UBE2D3: variants seen among roughly 807,000 people sequenced by gnomAD.
UBE2D3 encodes ubiquitin-conjugating enzyme E2 D3.
A neutral mutation model predicts 22.8 loss-of-function variants in UBE2D3; 2 were observed. The ratio of observed to expected loss-of-function variants is 0.09; its 90% CI spans 0.04 to 0.28. UBE2D3 has a LOEUF of 0.28. UBE2D3 is among the 10% of genes least tolerant of loss of function. The probability of loss-of-function intolerance (pLI) is 1.00; values close to 1 mark genes in which losing one functional copy is unlikely to be tolerated. For synonymous variants in UBE2D3, 56 were observed against 60.4 expected (o/e 0.93, Z 0.34); for missense variants, 27 against 182.5 (o/e 0.15, Z 4.91).
intron 1 of UBE2D3, chr4:102,837,207 C>G (rs1226358007): frequency 6.6e-6 from 1 of 152,178 alleles, no homozygotes; most frequent in Non-Finnish European, 1.5e-5. Flanking sequence ...ATAGAACTGG[C>G]TTGTAACAGC....
chr4:102,828,430 C>G (rs1578275106), upstream of UBE2D3, among the ~76,000 whole-genome samples: 1 of 152,154 alleles, frequency 6.6e-6, no homozygotes, highest in East Asian at 1.9e-4. Flanking sequence ...CTCATCAGCG[C>G]TCCCACGTGC....
chr4:102,837,723 G>A lies in UBE2D3; in HGVS notation c.-128-11087C>T, dbSNP rs1228182917. The stretch of plus-strand genomic sequence containing the variant: ...TCCCAGCACTTTGGGAGGCCAAGGC[G>A]GGCGGATCACGAGGTCAGGAGATCG... On this transcript the variant is annotated intron_variant, in intron 1 of 7. Coordinates refer to the UBE2D3 transcript ENST00000338145. Among the ~76,000 whole-genome samples, 6 of 152,246 alleles carry A rather than the reference G, an allele frequency of 3.9e-5. No individual in the cohort carries two copies. The East Asian group carries it at 9.7e-4, about 25-fold the overall frequency.
At chr4:102,854,218 GT>G (rs1430550281) in intron 1 of UBE2D3, among the ~76,000 whole-genome samples, 1 of 151,758 alleles carries the variant, frequency 6.6e-6, no homozygotes, top group Non-Finnish European at 1.5e-5. Flanking sequence ...TATTAATTTC[GT>G]TTAGATTTTT....
At chr4:102,825,323 ATTG>A (rs1221062246) in intron 2 of UBE2D3, 40 of 991,138 alleles carry the variant, frequency 4.0e-5, no homozygotes, top group Non-Finnish European at 4.3e-5. Flanking sequence ...ACCCTCTTCG[ATTG>A]TGCAACAACC....
chr4:102,842,955 C>G (rs938907818), intron 1 of UBE2D3, among the ~76,000 whole-genome samples: 2 of 151,898 alleles, frequency 1.3e-5, no homozygotes, highest in African/African-American at 4.8e-5. Context: ...ACTAAAAATA[C>G]AAAAATTAGC....
intron 1 of UBE2D3, among the ~76,000 whole-genome samples, chr4:102,864,837 A>C (rs1307577869): frequency 6.6e-6 from 1 of 152,210 alleles, no homozygotes; most frequent in Admixed American, 6.5e-5. Context: ...AGGTTATACA[A>C]ATACAGCAAT....
chr4:102,819,727 T>C (rs1729295558), intron 2 of UBE2D3: 1 of 379,186 alleles, frequency 2.6e-6, no homozygotes. Flanking sequence ...AAATCATTTG[T>C]TATCCCAATC....
In UBE2D3 at chr4:102,826,379, C is replaced by CA. The variant is rs1437935087; in HGVS notation, c.24+105dup. Reference sequence around the variant, plus strand: ...CCATCCCCCCATGGAAGAAGTGATCCAAGAGGTATTTTCAGAATTATGCTT... The same window carrying CA: ...CCATCCCCCCATGGAAGAAGTGATCCAAAGAGGTATTTTCAGAATTATGCTT... On this transcript the variant is annotated intron_variant, in intron 2 of 7. Coordinates refer to ENST00000453744, the MANE Select transcript of UBE2D3 (RefSeq NM_181891.3). The CA allele has an allele frequency of 2.9e-6, 4 of 1,393,936 alleles. No homozygotes were observed. In the East Asian group the frequency reaches 6.8e-5, roughly 24 times the overall value. The allele number at this position is 1,393,936 out of a possible 1,614,324, so 86.3% of individuals were successfully genotyped here. A position where few individuals can be genotyped will look rare whatever the true frequency, so the allele number is the denominator to read the frequency against.
At chr4:102,814,477 T>C (rs1434601926) in intron 2 of UBE2D3, among the ~76,000 whole-genome samples, 1 of 109,368 alleles carries the variant, frequency 9.1e-6, no homozygotes, top group East Asian at 2.4e-4. Flanking sequence ...TTTTTTTTTT[T>C]GTAGTTTTAC....
At chr4:102,828,464 C>A (rs1012601939), upstream of UBE2D3, among the ~76,000 whole-genome samples, 2 of 152,070 alleles carry the variant, frequency 1.3e-5, no homozygotes, top group Non-Finnish European at 2.9e-5. Context: ...ACGTCTGACC[C>A]TAAGGGAGCA....
At chr4:102,848,921 C>CTGTGTGTGTG (rs147050383) in intron 1 of UBE2D3, among the ~76,000 whole-genome samples, 16 of 142,738 alleles carry the variant, frequency 1.1e-4, no homozygotes, top group African/African-American at 1.6e-4. Context: ...TTATGTGTGC[C>CTGTGTGTGTG]TGTGTGTGTG....
chr4:102,838,822 AAAAAAAAAAG>A (rs1731573904), intron 1 of UBE2D3, among the ~76,000 whole-genome samples: 1 of 151,144 alleles, frequency 6.6e-6, no homozygotes, highest in East Asian at 1.9e-4. Flanking sequence ...AAAAAAAAAA[AAAAAAAAAAG>A]AGGAAAAGGA....
intron 1 of UBE2D3, among the ~76,000 whole-genome samples, chr4:102,846,494 T>C (rs1032085611): frequency 6.6e-6 from 1 of 152,238 alleles, no homozygotes; most frequent in Non-Finnish European, 1.5e-5. Flanking sequence ...TATTCTCATA[T>C]ATGCTGTCCA....
intron 1 of UBE2D3, among the ~76,000 whole-genome samples, chr4:102,836,166 T>TTTA (rs1400378283): frequency 3.8e-5 from 5 of 131,950 alleles, no homozygotes; most frequent in African/African-American, 1.5e-4. Context: ...TTTTTTTTTG[T>TTTA]GACTGAGTCT....
At chr4:102,862,468 A>G (rs1270801487) in intron 1 of UBE2D3, among the ~76,000 whole-genome samples, 1 of 148,322 alleles carries the variant, frequency 6.7e-6, no homozygotes, top group Non-Finnish European at 1.5e-5. Context: ...TACTTTTCCA[A>G]TCCATCAATC....
chr4:102,832,057 T>G (rs1731143472), upstream of UBE2D3, among the ~76,000 whole-genome samples: 1 of 152,088 alleles, frequency 6.6e-6, no homozygotes, highest in South Asian at 2.1e-4. Context: ...TAGAGTGGGT[T>G]CAGTGACATA....
chr4:102,823,621 G>A (rs910311588), intron 2 of UBE2D3, among the ~76,000 whole-genome samples: 2 of 152,082 alleles, frequency 1.3e-5, no homozygotes, highest in Admixed American at 6.5e-5. Context: ...TAATGGGAGT[G>A]GTAAAATTGT....
chr4:102,827,245 G>A (rs1001615896), intron 1 of UBE2D3, 182 bp downstream of exon 1: 36 of 971,096 alleles, frequency 3.7e-5, no homozygotes, highest in Non-Finnish European at 4.3e-5. Context: ...GCGCGAGGAC[G>A]CGCCCATTCC....
Position 102,851,861 on chromosome 4 carries a change from G to A in UBE2D3, c.-129+16854C>T, listed in dbSNP as rs1260607811. Among the ~76,000 whole-genome samples the A allele has an allele frequency of 3.3e-5, 5 of 151,844 alleles. 1 individual carries two copies. The highest frequency in any genetic ancestry group is 1.2e-4 in the African/African-American group (5 of 41,318). ...TTTTTGTATTTTTAGTAGAGACGGG[G>A]TTTCACAGTATTGGTCAGGCTGGTC... On this transcript the variant is annotated intron_variant, in intron 1 of 7. Coordinates refer to the UBE2D3 transcript ENST00000338145.
Sources: allele counts gnomAD v4.1 joint callset (sites outside exome capture counted in the v4.1 genomes callset), GRCh38; gene constraint gnomAD v4.1.1; transcripts MANE v1.5; gene names NCBI Gene and HGNC (gene_info 2026-07-23, HGNC 2026-07-21).